Variants in ISM1 observed in about 807,000 individuals in gnomAD.
ISM1 encodes isthmin-1.
In ISM1, 25 loss-of-function variants were observed where a neutral mutation model predicts 46.3. The ratio of observed to expected loss-of-function variants is 0.54; its 90% CI spans 0.39 to 0.75. ISM1 has a LOEUF of 0.75. Among genes scored for constraint, ISM1 ranks in the 30% least tolerant of loss-of-function variants. The pLI, the probability that ISM1 is intolerant of heterozygous loss-of-function variation, is 0.00. For synonymous variants in ISM1, 255 were observed against 256.7 expected (o/e 0.99, Z 0.06); for missense variants, 536 against 625.4 (o/e 0.86, Z 1.52).
intron 1 of ISM1, among the ~76,000 whole-genome samples, chr20:13,249,339 C>T (rs2039839008): frequency 1.3e-5 from 2 of 152,190 alleles, no homozygotes; most frequent in South Asian, 4.1e-4. Flanking sequence ...TCCCCTGCCT[C>T]CCACCCCTAG....
At chr20:13,318,471 T>C in the ISM1 span, among the ~76,000 whole-genome samples, 1 of 152,232 alleles carries the variant, frequency 6.6e-6, no homozygotes, top group Non-Finnish European at 1.5e-5. Flanking sequence ...ACAATTGTGC[T>C]GCTTGGTATT....
intron 1 of ISM1, among the ~76,000 whole-genome samples, chr20:13,262,410 C>G (rs1040415356): frequency 1.3e-5 from 2 of 151,976 alleles, no homozygotes; most frequent in African/African-American, 2.4e-5. Flanking sequence ...TTCTCCATCT[C>G]TCTACATTTG....
chr20:13,279,547 TC>T, intron 2 of ISM1, 86 bp from the exon 3 acceptor site: 1 of 1,327,356 alleles, frequency 7.5e-7, no homozygotes, highest in Non-Finnish European at 1.0e-6. Context: ...ATCATTTCCC[TC>T]TGCCCTCTCA....
chr20:13,293,194 C>T (rs549185435), intron 5 of ISM1, among the ~76,000 whole-genome samples: 27 of 138,800 alleles, frequency 1.9e-4, no homozygotes, highest in Middle Eastern at 4.0e-3. Context: ...GGTGACAGAG[C>T]GAGACTCCGT....
chr20:13,292,542 G>C (rs1464999575), intron 5 of ISM1, 79 bp downstream of exon 5: 10 of 857,614 alleles, frequency 1.2e-5, no homozygotes, highest in Non-Finnish European at 7.6e-6. Flanking sequence ...TGCCATCCTT[G>C]GATCCACGTA....
intron 1 of ISM1, among the ~76,000 whole-genome samples, chr20:13,268,228 CTTCTA>C (rs1375579398): frequency 6.7e-6 from 1 of 150,262 alleles, no homozygotes; most frequent in Admixed American, 6.6e-5. Flanking sequence ...CTCTTTCTCT[CTTCTA>C]TTCTTTCTCT....
chr20:13,252,713 C>T (rs1411029610), intron 1 of ISM1, among the ~76,000 whole-genome samples: 1 of 152,044 alleles, frequency 6.6e-6, no homozygotes, highest in Non-Finnish European at 1.5e-5. Context: ...CAAGACTGCA[C>T]CACTTGCACT....
At chr20:13,256,579 T>A (rs1332566205) in intron 1 of ISM1, among the ~76,000 whole-genome samples, 2 of 152,158 alleles carry the variant, frequency 1.3e-5, no homozygotes, top group South Asian at 2.1e-4. Flanking sequence ...TAAAATCAAA[T>A]GACTGAAACA....
chr20:13,224,119 T>C (rs1165306676), intron 1 of ISM1, among the ~76,000 whole-genome samples: 17 of 152,174 alleles, frequency 1.1e-4, no homozygotes. Flanking sequence ...GAGTCCCAAG[T>C]AGCTGCTAAT....
At chr20:13,311,593 G>T in the ISM1 span, among the ~76,000 whole-genome samples, 1 of 152,310 alleles carries the variant, frequency 6.6e-6, no homozygotes, top group Non-Finnish European at 1.5e-5. Context: ...ATTATGAGAT[G>T]CTAGTCAGCT....
chr20:13,311,949 AT>A, the ISM1 span, among the ~76,000 whole-genome samples: 3 of 152,324 alleles, frequency 2.0e-5, no homozygotes, highest in Admixed American at 1.3e-4. Context: ...CTCAAAAAAA[AT>A]GAATGTGGTG....
At chr20:13,322,891 C>A in the ISM1 span, among the ~76,000 whole-genome samples, 2 of 152,200 alleles carry the variant, frequency 1.3e-5, no homozygotes, top group South Asian at 4.1e-4. Flanking sequence ...CTGCCCTGAC[C>A]TGTCTCTCAG....
chr20:13,233,191 A>G (rs1185405176), intron 1 of ISM1, among the ~76,000 whole-genome samples: 1 of 152,032 alleles, frequency 6.6e-6, no homozygotes, highest in Non-Finnish European at 1.5e-5. Context: ...TGGGGCCTCA[A>G]TTACATTGTG....
chr20:13,322,599 C>G, the ISM1 span, among the ~76,000 whole-genome samples: 1 of 152,166 alleles, frequency 6.6e-6, no homozygotes, highest in Non-Finnish European at 1.5e-5. Context: ...CTCAGGATCC[C>G]TTTTCCTGCT....
chr20:13,236,847 C>G (rs2039655646), intron 1 of ISM1, among the ~76,000 whole-genome samples: 1 of 152,236 alleles, frequency 6.6e-6, no homozygotes, highest in African/African-American at 2.4e-5. Context: ...AGGTGGGTTC[C>G]CATGGTCTTG....
intron 4 of ISM1, 38 bp downstream of exon 4, chr20:13,288,721 G>C (rs755574693): frequency 6.4e-7 from 1 of 1,573,328 alleles, no homozygotes; most frequent in Non-Finnish European, 8.7e-7. Context: ...AGTTCAAGGG[G>C]AAAGCTTTTT....
At chr20:13,242,825 T>A (rs1384914256) in intron 1 of ISM1, among the ~76,000 whole-genome samples, 1 of 152,200 alleles carries the variant, frequency 6.6e-6, no homozygotes, top group Non-Finnish European at 1.5e-5. Context: ...TGTGAAGTAG[T>A]GGGAGCTGGT....
chr20:13,297,038 CA>C (rs141217767), intron 5 of ISM1, among the ~76,000 whole-genome samples: 20,764 of 150,044 alleles, frequency 0.14, 1,490 homozygotes, highest in East Asian at 0.18. Context: ...CACCCCCCGC[CA>C]AAAAAAAAGA....
intron 3 of ISM1, among the ~76,000 whole-genome samples, chr20:13,284,511 T>C (rs1469825334): frequency 2.6e-5 from 4 of 152,246 alleles, no homozygotes; most frequent in Admixed American, 6.5e-5. Context: ...CTCTGGGCAG[T>C]GGCCCCTGGT....
Sources: gnomAD v4.1 joint callset for allele counts (sites outside exome capture counted in the v4.1 genomes callset) on GRCh38, gnomAD v4.1.1 for gene constraint, MANE v1.5 for transcripts, NCBI Gene and HGNC (gene_info 2026-07-23, HGNC 2026-07-21) for gene names.